GLI2: variants seen among roughly 807,000 people sequenced by gnomAD.
The protein encoded by GLI2 is GLI family zinc finger 2.
Under a neutral mutation model 78.9 loss-of-function variants are expected in GLI2, and 22 were observed. The ratio of observed to expected loss-of-function variants is 0.28; its 90% CI spans 0.20 to 0.40. GLI2 has a LOEUF of 0.40. Ranked by LOEUF, GLI2 falls within the 10% of genes least tolerant of loss-of-function variation. The pLI is 1.00. For synonymous variants in GLI2, 974 were observed against 963.7 expected (o/e 1.01, Z -0.20); for missense variants, 2,097 against 2,213.2 (o/e 0.95, Z 1.05).
intron 1 of GLI2, among the ~76,000 whole-genome samples, chr2:120,746,677 A>T (rs1202251215): frequency 1.3e-5 from 2 of 152,184 alleles, no homozygotes; most frequent in Non-Finnish European, 2.9e-5. Flanking sequence ...TAAAAATACT[A>T]AAAAAAGCCG....
intron 2 of GLI2, among the ~76,000 whole-genome samples, chr2:120,868,220 T>G (rs2104664853): frequency 6.6e-6 from 1 of 152,298 alleles, no homozygotes; most frequent in South Asian, 2.1e-4. Flanking sequence ...GAGTCCCAGC[T>G]CACGGTTACT....
intron 3 of GLI2, among the ~76,000 whole-genome samples, chr2:120,933,094 G>A (rs1343509122): frequency 1.3e-5 from 2 of 152,150 alleles, no homozygotes; most frequent in East Asian, 3.8e-4. Flanking sequence ...GTGGCCCTGG[G>A]GAGAGGGGAG....
intron 2 of GLI2, among the ~76,000 whole-genome samples, chr2:120,857,394 C>G (rs1420534466): frequency 1.4e-3 from 172 of 118,958 alleles, no homozygotes; most frequent in East Asian, 2.2e-3. Context: ...TCTGCCCACC[C>G]ACCCACCCAC....
chr2:120,853,055 A>ATC (rs1184925113), intron 2 of GLI2, among the ~76,000 whole-genome samples: 1 of 152,166 alleles, frequency 6.6e-6, no homozygotes, highest in Non-Finnish European at 1.5e-5. Flanking sequence ...CCTCGACATG[A>ATC]TCGCTCAGGA....
intron 13 of GLI2, among the ~76,000 whole-genome samples, chr2:120,988,005 A>T (rs1683058091): frequency 6.6e-6 from 1 of 152,186 alleles, no homozygotes; most frequent in Non-Finnish European, 1.5e-5. Flanking sequence ...AGGAGGGAGG[A>T]TCCCTTGAGC....
intron 2 of GLI2, among the ~76,000 whole-genome samples, chr2:120,879,206 T>G (rs1448516952): frequency 1.3e-5 from 2 of 152,114 alleles, no homozygotes; most frequent in African/African-American, 4.8e-5. Context: ...GGGCCCAGCA[T>G]GAGGCCTTTC....
intron 4 of GLI2, among the ~76,000 whole-genome samples, chr2:120,953,790 G>A (rs748757232): frequency 6.6e-6 from 1 of 152,140 alleles, no homozygotes; most frequent in Non-Finnish European, 1.5e-5. Context: ...CTTCAAGCCT[G>A]CAGTGAGCTA....
chr2:120,967,557 T>C (rs888764970), intron 5 of GLI2, among the ~76,000 whole-genome samples: 9 of 152,232 alleles, frequency 5.9e-5, no homozygotes, highest in Admixed American at 1.3e-4. Context: ...GGTACTCTTG[T>C]CTGGGGCAAG....
intron 2 of GLI2, among the ~76,000 whole-genome samples, chr2:120,907,316 C>G (rs1678582231): frequency 6.6e-6 from 1 of 152,112 alleles, no homozygotes; most frequent in African/African-American, 2.4e-5. Flanking sequence ...CTCTGTGCAT[C>G]TTTAGAGCAG....
rs747435851 is a variant in GLI2, at chr2:120,988,593, C to T, written c.2628C>T (p.Tyr876=). The T allele has an allele frequency of 1.3e-6, 2 of 1,486,204 alleles. No homozygotes were observed. Among genetic ancestry groups the T allele is most frequent in the Admixed American group, 2.2e-5 (1 of 45,176 alleles). 92.1% of individuals were successfully genotyped at this position (1,486,204 alleles called of 1,614,324 possible). The change falls in exon 14 of 14, where the codon TAC becomes TAT. Residue 876 remains tyrosine, a synonymous_variant. Coordinates refer to ENST00000361492, the MANE Select transcript of GLI2 (RefSeq NM_001374353.1). ...AGCAGTACAGCCTGCGGGCCAAGTA[C>T]GCGGCAGCCACTGGCGGCCCCCCGC... is the stretch of plus-strand genomic sequence containing the variant. ...PAQQYSLRAK[Y]AAATGGPPPT...
In GLI2 at chr2:120,861,446, C is replaced by T. The variant is rs142555992; in HGVS notation, c.148+63978C>T. Among the ~76,000 whole-genome samples the T allele has an allele frequency of 2.0e-4, 31 of 152,278 alleles. 1 individual carries two copies. The East Asian group carries it at 6.0e-3, about 29-fold the overall frequency. On this transcript the variant is annotated intron_variant, in intron 2 of 13. Coordinates refer to ENST00000361492, the MANE Select transcript of GLI2 (RefSeq NM_001374353.1). The stretch of plus-strand genomic sequence containing the variant: ...CTCCAGGTGGAGCCTGGGAGGGGTC[C>T]CAGTCCTGGGCCTGTGGCTGGAGTC...
chr2:120,736,937 TC>T (rs1682381288), intron 1 of GLI2, among the ~76,000 whole-genome samples: 1 of 151,230 alleles, frequency 6.6e-6, no homozygotes, highest in Non-Finnish European at 1.5e-5. Context: ...CCGCTTGACT[TC>T]CCAAAGGGAT....
chr2:120,895,777 G>T (rs888770054), intron 2 of GLI2, among the ~76,000 whole-genome samples: 1 of 152,174 alleles, frequency 6.6e-6, no homozygotes, highest in Admixed American at 6.5e-5. Context: ...GGGAGGATGG[G>T]CCCGGAACCC....
At chr2:120,879,588 G>A (rs911764674) in intron 2 of GLI2, among the ~76,000 whole-genome samples, 11 of 152,180 alleles carry the variant, frequency 7.2e-5, no homozygotes, top group Admixed American at 1.3e-4. Flanking sequence ...AGGCCACGGC[G>A]GGCTGGACAG....
rs7569576 is a variant in GLI2, at chr2:120,797,174, A to G, written c.-30-117A>G. ...TAATTAAACCCTCCTTCCCAATTATAAGAGAATTAGAATGAAGTTGGTTGC... is the reference window on the plus strand; with the variant it reads ...TAATTAAACCCTCCTTCCCAATTATGAGAGAATTAGAATGAAGTTGGTTGC... On this transcript the variant is annotated intron_variant, in intron 1 of 13. Transcript: ENST00000361492. 0.014 allele frequency: 11,013 copies of G among 762,050 alleles called. 860 individuals carry two copies. In the African/African-American group the frequency reaches 0.17, roughly 11 times the overall value. The allele number at this position is 762,050 out of a possible 1,614,324, so 47.2% of individuals were successfully genotyped here.
At chr2:120,797,225 C>A in intron 1 of GLI2, 66 bp from the exon 2 acceptor site, 1 of 1,240,408 alleles carries the variant, frequency 8.1e-7, no homozygotes, top group Non-Finnish European at 1.2e-6. Context: ...CGGTGTGAAT[C>A]TGGGTCGGCG....
At chr2:120,792,098 G>T (rs937918917) in intron 1 of GLI2, among the ~76,000 whole-genome samples, 12 of 152,192 alleles carry the variant, frequency 7.9e-5, no homozygotes, top group Admixed American at 3.9e-4. Context: ...GGGGAACAAT[G>T]CTCTAATTCC....
In GLI2 at chr2:120,874,976, A is replaced by G. The variant is rs181806709; in HGVS notation, c.149-52385A>G. Among the ~76,000 whole-genome samples the G allele has an allele frequency of 1.2e-3, 189 of 152,258 alleles. 1 individual carries two copies. The highest frequency in any genetic ancestry group is 5.2e-3 in the Admixed American group (79 of 15,304). ...CTAGGTTAGGGTCCTAGCTTCCCAG[A>G]CACTTTCGGCCTGAAACACTCGGCT... On this transcript the variant is annotated intron_variant, in intron 2 of 13. Transcript: ENST00000361492.
chr2:120,934,770 G>A (rs1680114270), intron 3 of GLI2, among the ~76,000 whole-genome samples: 1 of 152,140 alleles, frequency 6.6e-6, no homozygotes. Flanking sequence ...GTTTAGCCGG[G>A]TGTCGGTGTG....
Sources: allele counts gnomAD v4.1 joint callset (sites outside exome capture counted in the v4.1 genomes callset), GRCh38; gene constraint gnomAD v4.1.1; transcripts MANE v1.5; gene names NCBI Gene and HGNC (gene_info 2026-07-23, HGNC 2026-07-21).